The following RECQL5 variants were observed in gnomAD, a reference collection of about 807,000 sequenced individuals.
RECQL5 encodes the protein RecQ like helicase 5, also known as ATP-dependent DNA helicase Q5.
RECQL5 carries 88 observed loss-of-function variants against 103.4 expected under a neutral mutation model. The observed-to-expected ratio is 0.85, with a 90% CI of 0.72 to 1.02. The LOEUF is 1.02. RECQL5 is among the 50% of genes least tolerant of loss of function. RECQL5 has a pLI of 0.00. For synonymous variants in RECQL5, 552 were observed against 507.9 expected, an observed-to-expected ratio of 1.09 and a Z score of -1.17; for missense variants, 1,232 against 1,284.3, an observed-to-expected ratio of 0.96 and a Z score of 0.62.
chr17:75,636,150 T>C lies in RECQL5; in HGVS notation c.1230-4482A>G, dbSNP rs1305459526. 3.3e-5 allele frequency among the ~76,000 whole-genome samples: 5 copies of C among 152,088 alleles called. No homozygotes were observed. The highest frequency in any genetic ancestry group is 6.5e-5 in the Admixed American group (1 of 15,272). On this transcript the variant is annotated intron_variant, in intron 8 of 19. Transcript: ENST00000317905. The surrounding 1 kb of genome is among the most constrained non-coding windows in gnomAD (Gnocchi z 5.4). ...GTGGCAGCTGGGCTACACTCCCTCT[T>C]AAGGCCAGAGGGAGCCACCACTTGC...
chr17:75,628,266 C>G lies in RECQL5; in HGVS notation c.2757G>C (p.Val919=). ...TGTAGAAAGGGGTGAGGCACTTGAC[C>G]ACAACATTTGCAGCCTCCTTCAAGG... ...GVSLKEAANV[V]VKCLTPFYKE... The change falls in exon 18 of 20, where the codon GTG becomes GTC. Residue 919 remains valine, a synonymous_variant. Coordinates refer to ENST00000317905, the MANE Select transcript of RECQL5 (RefSeq NM_004259.7). 1 of 1,614,134 alleles carries G rather than the reference C, an allele frequency of 6.2e-7. No homozygotes were observed. The highest frequency in any genetic ancestry group is 1.1e-5 in the South Asian group (1 of 91,088).
At chr17:75,648,722 G>C (rs1207110985) in intron 8 of RECQL5, 2 of 140,122 alleles carry the variant, frequency 1.4e-5, no homozygotes, top group Non-Finnish European at 3.0e-5. Context: ...CACCCAGGCT[G>C]CACTGTAGTG....
chr17:75,627,366 G>C lies in RECQL5; in HGVS notation c.*56C>G. 7.5e-7 allele frequency: 1 copy of C among 1,324,582 alleles called. No individual in the cohort carries two copies. Among genetic ancestry groups the C allele is most frequent in the Non-Finnish European group, 1.1e-6 (1 of 920,014 alleles). 82.1% of individuals were successfully genotyped at this position (1,324,582 alleles called of 1,614,324 possible). The stretch of plus-strand genomic sequence containing the variant: ...CCTGGCATCAGCAGGTGAGGCCCAG[G>C]ATGACCCATGCTAGAATCTGGGGGA... On this transcript the variant is annotated 3_prime_UTR_variant, in exon 20 of 20. Coordinates refer to ENST00000317905, the MANE Select transcript of RECQL5 (RefSeq NM_004259.7).
chr17:75,658,661 G>T (rs2059659062), intron 6 of RECQL5, among the ~76,000 whole-genome samples: 2 of 152,142 alleles, frequency 1.3e-5, no homozygotes, highest in Admixed American at 6.5e-5. Flanking sequence ...GCCACAGCAG[G>T]AGTTAAGGGG....
intron 8 of RECQL5, among the ~76,000 whole-genome samples, chr17:75,641,950 C>T (rs2059440587): frequency 6.6e-6 from 1 of 152,086 alleles, no homozygotes; most frequent in Admixed American, 6.6e-5. Flanking sequence ...CTGGGGTTTG[C>T]TGTGAGGATA....
rs373451755 is a variant in RECQL5, at chr17:75,629,364, G to A, written c.2059C>T (p.Arg687Trp). ...RIREQAPQPE[R>W]GGEHEPPSRP... ...CTCGGGGGCTCGTGCTCGCCTCCCC[G>A]CTCGGGCTGGGGGGCTTGCTCCCTG... Residue 687 changes from arginine (R) to tryptophan (W), a missense_variant, in exon 16 of 20, where the codon CGG (arginine) becomes TGG (tryptophan). Physicochemically the swap from Arg to Trp is moderately radical, Grantham distance 101 (BLOSUM62 -3). Transcript: ENST00000317905. 87 of 1,512,070 alleles carry A rather than the reference G, an allele frequency of 5.8e-5. No homozygotes were observed. Among genetic ancestry groups the A allele is most frequent in the South Asian group, 1.6e-4 (12 of 74,148 alleles). 93.7% of individuals were successfully genotyped at this position (1,512,070 alleles called of 1,614,324 possible). A position where few individuals can be genotyped will look rare whatever the true frequency, so the allele number is the denominator to read the frequency against.
chr17:75,647,619 C>A (rs1286361020), intron 8 of RECQL5: 2 of 1,522,032 alleles, frequency 1.3e-6, no homozygotes, highest in Admixed American at 2.0e-5. Flanking sequence ...GACCTGCCCC[C>A]ATTCCAGTGG....
rs772179322 is a variant in RECQL5 at position 75,658,478 on chromosome 17, A to T, written c.987-18T>A. The T allele has an allele frequency of 6.2e-7, 1 of 1,611,824 alleles. No homozygotes were observed. The highest frequency in any genetic ancestry group is 1.1e-5 in the South Asian group (1 of 90,956). On this transcript the variant is annotated intron_variant, in intron 6 of 19. Transcript: ENST00000317905. Reference sequence around the variant, plus strand: ...CGACAAACCTGTAGGATCCAAAGGGACAAGCAGCATGAGATGGTGGAGAAG... The same window carrying T: ...CGACAAACCTGTAGGATCCAAAGGGTCAAGCAGCATGAGATGGTGGAGAAG...
In RECQL5 at chr17:75,627,234, C is replaced by T. The variant is rs820189; in HGVS notation, c.*188G>A. On this transcript the variant is annotated 3_prime_UTR_variant, in exon 20 of 20. Transcript: ENST00000317905. ...GAGAAGGGTCTATAGGCTTTGCAAG[C>T]AGAAAGAAAGGTGGGCTGACCTCTG... is the stretch of plus-strand genomic sequence containing the variant. The T allele has an allele frequency of 1.5e-6, 1 of 671,424 alleles. No individual in the cohort carries two copies. The highest frequency in any genetic ancestry group is 2.7e-6 in the Non-Finnish European group (1 of 368,058). 41.6% of individuals were successfully genotyped at this position (671,424 alleles called of 1,614,324 possible).
rs151311181 is a variant in RECQL5 at position 75,636,365 on chromosome 17, T to C, written c.1230-4697A>G. On this transcript the variant is annotated intron_variant, in intron 8 of 19. Coordinates refer to ENST00000317905, the MANE Select transcript of RECQL5 (RefSeq NM_004259.7). This position sits in a 1 kb window ranked among gnomAD's most constrained non-coding sequence, Gnocchi z 5.4. ...GGTTTTGGAAGGAGTTGGGTGAACC[T>C]GAGATAGAAAGACGGGAAAAATATG... Among the ~76,000 whole-genome samples, 31 of 152,148 alleles carry C rather than the reference T, an allele frequency of 2.0e-4. No individual in the cohort carries two copies. The highest frequency in any genetic ancestry group is 4.4e-4 in the Non-Finnish European group (30 of 68,006).
intron 6 of RECQL5, among the ~76,000 whole-genome samples, chr17:75,659,204 G>A (rs989761426): frequency 6.6e-6 from 1 of 152,132 alleles, no homozygotes; most frequent in Non-Finnish European, 1.5e-5. Context: ...TGGGACTACA[G>A]GTGGGCGCCA....
At chr17:75,630,110 C>G (rs2059178753) in intron 14 of RECQL5, 74 bp downstream of exon 14, 1 of 1,305,602 alleles carries the variant, frequency 7.7e-7, no homozygotes, top group South Asian at 1.5e-5. Context: ...GCCCAGAGAG[C>G]TGGCAGACAG....
chr17:75,633,003 G>A (rs905563040), intron 8 of RECQL5, among the ~76,000 whole-genome samples: 5 of 152,230 alleles, frequency 3.3e-5, no homozygotes, highest in Non-Finnish European at 5.9e-5. Context: ...GCAACACCCC[G>A]GTAAGGAAGC....
chr17:75,651,195 T>A lies in RECQL5; in HGVS notation c.1220A>T (p.Glu407Val). 6.2e-7 allele frequency: 1 copy of A among 1,614,210 alleles called. No individual in the cohort carries two copies. Among genetic ancestry groups the A allele is most frequent in the Non-Finnish European group, 8.5e-7 (1 of 1,180,036 alleles). Residue 407 changes from glutamate to valine, a missense_variant, in exon 8 of 20, where the codon GAA (glutamate) becomes GTA (valine). By Grantham distance (121) the Glu-to-Val change is moderately radical (BLOSUM62 -2). Coordinates refer to ENST00000317905, the MANE Select transcript of RECQL5 (RefSeq NM_004259.7). ...AAAATAAGTCACTTACCCCAGTTCTTCACAGAAGGTCACCAGGGCATCAAA... is the reference window on the plus strand; with the variant it reads ...AAAATAAGTCACTTACCCCAGTTCTACACAGAAGGTCACCAGGGCATCAAA... The part of the protein sequence containing the change: ...MAFDALVTFC[E>V]ELGCRHAAIA...
chr17:75,665,770 T>C (rs548126149), intron 2 of RECQL5, among the ~76,000 whole-genome samples: 2 of 152,144 alleles, frequency 1.3e-5, no homozygotes, highest in African/African-American at 4.8e-5. Flanking sequence ...AGCAGAGTAC[T>C]GCTAGATGAG....
intron 8 of RECQL5, among the ~76,000 whole-genome samples, chr17:75,648,584 A>G (rs1394501635): frequency 6.6e-6 from 1 of 150,988 alleles, no homozygotes; most frequent in Non-Finnish European, 1.5e-5. Context: ...CGTGTTAGCC[A>G]GGATGGTCTC....
At chr17:75,644,293 A>C (rs1181336594) in intron 8 of RECQL5, among the ~76,000 whole-genome samples, 3 of 152,064 alleles carry the variant, frequency 2.0e-5, no homozygotes, top group Non-Finnish European at 2.9e-5. Flanking sequence ...CGACAGAGTG[A>C]GATTCCGTCT....
Position 75,658,216 on chromosome 17 carries a change from A to G in RECQL5, c.1149+82T>C. 3.4e-6 allele frequency: 5 copies of G among 1,475,064 alleles called. 1 individual carries two copies. Among genetic ancestry groups the G allele is most frequent in the South Asian group, 2.6e-5 (2 of 78,226 alleles). The allele number at this position is 1,475,064 out of a possible 1,614,324, so 91.4% of individuals were successfully genotyped here. On this transcript the variant is annotated intron_variant, in intron 7 of 19. Transcript: ENST00000317905. Reference sequence around the variant, plus strand: ...GCAGCCTCCTCTAGCTTACACAAGCATCATCAGAGTTCAGAAATCAGCTTC... The same window carrying G: ...GCAGCCTCCTCTAGCTTACACAAGCGTCATCAGAGTTCAGAAATCAGCTTC...
intron 7 of RECQL5, 30 bp from the exon 8 acceptor site, chr17:75,651,295 T>C: frequency 6.2e-7 from 1 of 1,613,556 alleles, no homozygotes; most frequent in Non-Finnish European, 8.5e-7. Context: ...ACTTAGCAAG[T>C]CTTATAGAAT....
Sources: gnomAD v4.1 joint callset for allele counts (sites outside exome capture counted in the v4.1 genomes callset) on GRCh38, gnomAD v4.1.1 for gene constraint, Gnocchi (gnomAD v3.1) non-coding constraint, MANE v1.5 for transcripts, NCBI Gene and HGNC (gene_info 2026-07-23, HGNC 2026-07-21) for gene names.